The following ZNF335 variants were observed in gnomAD, a reference collection of about 807,000 sequenced individuals.
ZNF335 encodes NRC-interacting factor 1.
Under a neutral mutation model 145.6 loss-of-function variants are expected in ZNF335, and 84 were observed. The ratio of observed to expected loss-of-function variants is 0.58; its 90% CI spans 0.48 to 0.69. The LOEUF (loss-of-function observed/expected upper bound fraction) is 0.69. ZNF335 is among the 30% of genes least tolerant of loss of function. ZNF335 has a pLI of 0.00. For missense variants in ZNF335, 1,865 were observed against 1,809.7 expected, an observed-to-expected ratio of 1.03 and a Z score of -0.55; for synonymous variants, 761 against 717.0, an observed-to-expected ratio of 1.06 and a Z score of -0.98.
chr20:45,966,237 ATTT>A (rs76603800), intron 6 of ZNF335, among the ~76,000 whole-genome samples: 1 of 144,662 alleles, frequency 6.9e-6, no homozygotes, highest in Non-Finnish European at 1.5e-5. Context: ...CTCACCAATA[ATTT>A]TTTTTTTTTT....
At chr20:45,959,049 C>CT in intron 15 of ZNF335, 152 bp downstream of exon 15, 1 of 564,246 alleles carries the variant, frequency 1.8e-6, no homozygotes, top group Non-Finnish European at 2.7e-6. Context: ...CACCCTTACT[C>CT]TAAGCTTAGG....
At chr20:45,960,819 A>C in intron 11 of ZNF335, 45 bp downstream of exon 11, 1 of 1,613,784 alleles carries the variant, frequency 6.2e-7, no homozygotes, top group Non-Finnish European at 8.5e-7. Context: ...CCCCATAAAC[A>C]ACCCCCGGGC....
chr20:45,959,930 T>C (rs1012911018), intron 14 of ZNF335, among the ~76,000 whole-genome samples: 12 of 152,226 alleles, frequency 7.9e-5, no homozygotes, highest in African/African-American at 2.9e-4. Context: ...CATAGCCATA[T>C]GGCAGGCACT....
In ZNF335 at chr20:45,957,909, G is replaced by T. The variant is rs764385073; in HGVS notation, c.2273C>A (p.Thr758Asn). The change falls in exon 16 of 28, where the codon ACT (threonine) becomes AAT (asparagine). Residue 758 changes from threonine (T) to asparagine (N), a missense_variant. Coordinates refer to ENST00000322927, the MANE Select transcript of ZNF335 (RefSeq NM_022095.4). Reference protein sequence around the residue: ...GPPEIPPEATTFQSSEAPSLL... With the variant: ...GPPEIPPEATNFQSSEAPSLL... Reference sequence around the variant, plus strand: ...TGAGGGAGCCTCAGATGACTGGAAAGTTGTCGCCTCTGGGGGTATCTATGG... The same window carrying T: ...TGAGGGAGCCTCAGATGACTGGAAATTTGTCGCCTCTGGGGGTATCTATGG... The T allele has an allele frequency of 6.2e-7, 1 of 1,614,076 alleles. No individual in the cohort carries two copies. The highest frequency in any genetic ancestry group is 2.2e-5 in the East Asian group (1 of 44,880).
chr20:45,950,009 T>C lies in ZNF335; in HGVS notation c.3548A>G (p.Gln1183Arg), dbSNP rs575961423. 3 of 1,614,158 alleles carry C rather than the reference T, an allele frequency of 1.9e-6. No individual in the cohort carries two copies. Among genetic ancestry groups the C allele is most frequent in the Admixed American group, 3.3e-5 (2 of 60,026 alleles). ...GPERLQQALS[Q>R]EHIIVAQEQT... The stretch of plus-strand genomic sequence containing the variant: ...TTCCTGGGCAACGATGATGTGTTCC[T>C]GGCTCAGTGCCTGCTGTAGCCGCTC... Residue 1183 changes from glutamine to arginine, a missense_variant, in exon 23 of 28, where the codon CAG (glutamine) becomes CGG (arginine). Gln to Arg is a conservative substitution (Grantham distance 43, BLOSUM62 1). Coordinates refer to ENST00000322927, the MANE Select transcript of ZNF335 (RefSeq NM_022095.4).
intron 1 of ZNF335, chr20:45,971,804 T>A: frequency 1.0e-6 from 1 of 985,144 alleles, no homozygotes; most frequent in Non-Finnish European, 1.2e-6. Context: ...GCAGGGCCGG[T>A]GGTACAGCCC....
At chr20:45,961,914 G>A in intron 10 of ZNF335, 156 bp downstream of exon 10, 1 of 629,656 alleles carries the variant, frequency 1.6e-6, no homozygotes, top group Non-Finnish European at 2.8e-6. Flanking sequence ...AAATGAACTG[G>A]GGTGAACTGC....
At position 45,950,551 on chromosome 20, in the gene ZNF335, G is replaced by A; in HGVS notation, c.3234C>T (p.Ser1078=). The change falls in exon 21 of 28, where the codon AGC becomes AGT. Residue 1078 remains serine, a synonymous_variant. Coordinates refer to ENST00000322927, the MANE Select transcript of ZNF335 (RefSeq NM_022095.4). ...TGTTCTTGGAGGCAAAGCTGCACTG[G>A]CTACACTGGTGGGGCCGTAGGCTTG... The part of the protein sequence containing the change: ...QHSSLRPHQC[S]QCSFASKNKK... 1 of 1,614,184 alleles carries A rather than the reference G, an allele frequency of 6.2e-7. No individual in the cohort carries two copies. Among genetic ancestry groups the A allele is most frequent in the African/African-American group, 1.3e-5 (1 of 75,056 alleles).
Position 45,965,788 on chromosome 20 carries a change from T to G in ZNF335, c.956-14A>C. On this transcript the variant is annotated splice_polypyrimidine_tract_variant and intron_variant, in intron 6 of 27. Transcript: ENST00000322927. ...AGTCGCTATCCTCTGTGGGGGACAGTAAAGTTGGTGAACAGTGAGTGGCGG... is the reference window on the plus strand; with the variant it reads ...AGTCGCTATCCTCTGTGGGGGACAGGAAAGTTGGTGAACAGTGAGTGGCGG... The G allele has an allele frequency of 1.3e-6, 2 of 1,594,798 alleles. No homozygotes were observed. The highest frequency in any genetic ancestry group is 1.7e-6 in the Non-Finnish European group (2 of 1,171,336).
In ZNF335 at chr20:45,967,628, G is replaced by A. The variant is rs2083980363; in HGVS notation, c.821C>T (p.Ala274Val). The part of the protein sequence containing the change: ...MRERHFRPVA[A>V]AAAAAGKKGR... ...TTTTTTACCAGCTGCTGCTGCGGCT[G>A]CTGCTACTGGAAGTGGAGGGAGGGT... Residue 274 changes from alanine to valine, a missense_variant, in exon 6 of 28, where the codon GCA becomes GTA. Transcript: ENST00000322927. 1.2e-6 allele frequency: 2 copies of A among 1,613,850 alleles called. No individual in the cohort carries two copies. The highest frequency in any genetic ancestry group is 1.1e-5 in the South Asian group (1 of 91,082).
intron 20 of ZNF335, 92 bp from the exon 21 acceptor site, chr20:45,950,687 G>T: frequency 6.4e-7 from 1 of 1,558,034 alleles, no homozygotes; most frequent in South Asian, 1.2e-5. Context: ...CAGGGAACCA[G>T]ACAAAGTGGA....
At chr20:45,967,691 C>A (rs1397527169) in intron 5 of ZNF335, 43 bp downstream of exon 5, 2 of 1,609,224 alleles carry the variant, frequency 1.2e-6, no homozygotes, top group East Asian at 2.2e-5. Flanking sequence ...AGCACCCCAC[C>A]CCTACCCATG....
At position 45,950,275 on chromosome 20, in the gene ZNF335, G is replaced by A. The variant is rs539225112; in HGVS notation, c.3431C>T (p.Thr1144Ile). ...GTTCAGGATGATGGTCTGGGTTGGG[G>A]TCTGGGTAGGGGCCCGGGCTGTAGG... Reference protein sequence around the residue: ...GTPTARAPTQTPTQTIILNSD... With the variant: ...GTPTARAPTQIPTQTIILNSD... The change falls in exon 22 of 28, where the codon ACC (threonine) becomes ATC (isoleucine). Residue 1144 changes from threonine (T) to isoleucine (I), a missense_variant. Thr to Ile is a moderately conservative substitution (Grantham distance 89, BLOSUM62 -1). Transcript: ENST00000322927. 1 of 1,555,746 alleles carries A rather than the reference G, an allele frequency of 6.4e-7. No individual in the cohort carries two copies. The highest frequency in any genetic ancestry group is 8.7e-7 in the Non-Finnish European group (1 of 1,150,000).
At chr20:45,961,758 CT>C in intron 10 of ZNF335, 1 of 268,472 alleles carries the variant, frequency 3.7e-6, no homozygotes, top group Non-Finnish European at 7.2e-6. Flanking sequence ...TCCAGAAGAT[CT>C]TGGATCATTT....
At chr20:45,959,998 A>G (rs1252461447) in intron 14 of ZNF335, among the ~76,000 whole-genome samples, 1 of 152,236 alleles carries the variant, frequency 6.6e-6, no homozygotes, top group Non-Finnish European at 1.5e-5. Flanking sequence ...ACCGGCCCAG[A>G]GCCATCCAGA....
intron 7 of ZNF335, chr20:45,964,231 G>A (rs2145404184): frequency 2.4e-6 from 1 of 425,476 alleles, no homozygotes; most frequent in East Asian, 3.6e-5. Flanking sequence ...GGCGAGAGCT[G>A]GGACCTCCCA....
rs1844357421 is a variant in ZNF335 at position 45,963,620 on chromosome 20, C to T, written c.1386G>A (p.Leu462=). The change falls in exon 9 of 28, where the codon TTG becomes TTA. Residue 462 remains leucine, a synonymous_variant. Transcript: ENST00000322927. ...CACAGATGCGGCACAGGAAGGGCCT[C>T]AAAAGTGGTTTGGGCGACTTGTAAT... ...KYYYKSPKPL[L]RPFLCRICGS... The T allele has an allele frequency of 6.2e-7, 1 of 1,614,166 alleles. No individual in the cohort carries two copies. Among genetic ancestry groups the T allele is most frequent in the South Asian group, 1.1e-5 (1 of 91,088 alleles).
chr20:45,950,392 G>A lies in ZNF335; in HGVS notation c.3333-19C>T. The A allele has an allele frequency of 6.2e-7, 1 of 1,607,572 alleles. No individual in the cohort carries two copies. Among genetic ancestry groups the A allele is most frequent in the Non-Finnish European group, 8.5e-7 (1 of 1,174,970 alleles). ...GTTGAAACTGAGGGGGATGAAAGGT[G>A]GCTCAGGTTAGCTCCACCATACATG... On this transcript the variant is annotated intron_variant, in intron 21 of 27. Coordinates refer to ENST00000322927, the MANE Select transcript of ZNF335 (RefSeq NM_022095.4).
chr20:45,960,452 C>A lies in ZNF335; in HGVS notation c.1856G>T (p.Arg619Leu). The part of the protein sequence containing the change: ...LLTHIQAVAN[R>L]RFKCEFCEFV... ...AGGGGCCTCCAAGGGGATGTACCTG[C>A]GGTTGGCAACAGCCTGGATGTGCGT... Residue 619 changes from arginine to leucine, a missense_variant, in exon 13 of 28, where the codon CGC becomes CTC. By Grantham distance (102) the Arg-to-Leu change is moderately radical. Transcript: ENST00000322927. 4 of 1,614,182 alleles carry A rather than the reference C, an allele frequency of 2.5e-6. No homozygotes were observed. Among genetic ancestry groups the A allele is most frequent in the Non-Finnish European group, 3.4e-6 (4 of 1,180,030 alleles).
Sources: allele counts gnomAD v4.1 joint callset (sites outside exome capture counted in the v4.1 genomes callset), GRCh38; gene constraint gnomAD v4.1.1; transcripts MANE v1.5; gene names NCBI Gene and HGNC (gene_info 2026-07-23, HGNC 2026-07-21).